MRPS6: variants seen among roughly 807,000 people sequenced by gnomAD.
MRPS6 encodes mitochondrial ribosomal protein S6.
A neutral mutation model predicts 13.1 loss-of-function variants in MRPS6; 6 were observed. The ratio of observed to expected loss-of-function variants is 0.46; its 90% confidence interval spans 0.25 to 0.91. The LOEUF (loss-of-function observed/expected upper bound fraction) is 0.91. Among genes scored for constraint, MRPS6 ranks in the 40% least tolerant of loss-of-function variants. The pLI is 0.18. For missense variants in MRPS6, 164 were observed against 155.6 expected, an observed-to-expected ratio of 1.05 and a Z score of -0.29; for synonymous variants, 61 against 56.5, an observed-to-expected ratio of 1.08 and a Z score of -0.36.
rs2123282124 is a variant in MRPS6 at position 34,143,014 on chromosome 21, A to C, written c.*414A>C. On this transcript the variant is annotated 3_prime_UTR_variant, in exon 3 of 3. Transcript: ENST00000399312. ...ATGGACAACTTTTGCTTTGAGTAAT[A>C]AACTTGATTGTAGGAATGTGGGAGG... 6.4e-6 allele frequency: 1 copy of C among 156,566 alleles called. No individual in the cohort carries two copies. The highest frequency in any genetic ancestry group is 3.3e-3 in the Middle Eastern group (1 of 304). 9.7% of individuals were successfully genotyped at this position (156,566 alleles called of 1,614,324 possible). A position where few individuals can be genotyped will look rare whatever the true frequency, so the allele number is the denominator to read the frequency against.
At chr21:34,075,502 A>G (rs1259561590) in intron 1 of MRPS6, among the ~76,000 whole-genome samples, 1 of 152,214 alleles carries the variant, frequency 6.6e-6, no homozygotes, top group African/African-American at 2.4e-5. Context: ...GGTTAAAATA[A>G]TAAATAACCT....
rs561630294 is a variant in MRPS6 at position 34,096,912 on chromosome 21, A to C, written c.45+23167A>C. On this transcript the variant is annotated intron_variant, in intron 1 of 2. Coordinates refer to ENST00000399312, the MANE Select transcript of MRPS6 (RefSeq NM_032476.4). The surrounding 1 kb of genome is among the most constrained non-coding windows in gnomAD (Gnocchi z 5.9). ...ACCATACAAAATGCAAGAAAAGAGC[A>C]TTCTGAGATGCAGTGAGAATAATGA... is the stretch of plus-strand genomic sequence containing the variant. The C allele has an allele frequency of 2.5e-6, 4 of 1,614,186 alleles. No individual in the cohort carries two copies. In the African/African-American group the frequency reaches 5.3e-5, roughly 22 times the overall value.
At chr21:34,088,449 A>G (rs536434065) in intron 1 of MRPS6, among the ~76,000 whole-genome samples, 1 of 152,310 alleles carries the variant, frequency 6.6e-6, no homozygotes, top group Non-Finnish European at 1.5e-5. Flanking sequence ...ACATCCATTC[A>G]CATGATCACA....
chr21:34,090,147 G>A (rs573096482), intron 1 of MRPS6, among the ~76,000 whole-genome samples: 2 of 152,330 alleles, frequency 1.3e-5, no homozygotes, highest in South Asian at 2.1e-4. Context: ...CTGTAGTGTT[G>A]TCTTTAGCTC....
intron 1 of MRPS6, chr21:34,104,326 A>G (rs1465108459): frequency 7.0e-6 from 7 of 999,968 alleles, no homozygotes. Flanking sequence ...TGTGTGTAGA[A>G]GAAAACGTAT....
intron 1 of MRPS6, among the ~76,000 whole-genome samples, chr21:34,119,436 A>G (rs370758603): frequency 4.6e-5 from 7 of 152,332 alleles, no homozygotes; most frequent in African/African-American, 1.4e-4. Flanking sequence ...TTTTAAAGGA[A>G]GTAAGATTTG....
chr21:34,097,554 A>C, intron 1 of MRPS6: 1 of 1,359,354 alleles, frequency 7.4e-7, no homozygotes, highest in Non-Finnish European at 9.5e-7. Flanking sequence ...AAGTGAAGCC[A>C]AACCTAACAG....
At chr21:34,140,142 CT>C (rs1980858408) in intron 2 of MRPS6, among the ~76,000 whole-genome samples, 1 of 151,570 alleles carries the variant, frequency 6.6e-6, no homozygotes, top group African/African-American at 2.4e-5. Flanking sequence ...TCTCCTCTCT[CT>C]CTCTCTTCTC....
At chr21:34,103,838 T>TG in intron 1 of MRPS6, 1 of 1,000,128 alleles carries the variant, frequency 1.0e-6, no homozygotes, top group Non-Finnish European at 1.2e-6. Flanking sequence ...AAATTATATT[T>TG]GGGGGTTACT....
intron 1 of MRPS6, among the ~76,000 whole-genome samples, chr21:34,083,386 C>T (rs1222764243): frequency 6.6e-6 from 1 of 152,126 alleles, no homozygotes; most frequent in East Asian, 1.9e-4. Flanking sequence ...GTATGAATTC[C>T]GAATATAAAA....
intron 1 of MRPS6, among the ~76,000 whole-genome samples, chr21:34,091,245 C>A (rs899210147): frequency 2.7e-5 from 2 of 73,672 alleles, no homozygotes; most frequent in African/African-American, 1.2e-4. Context: ...AAGATTATTG[C>A]GTACTACTCT....
chr21:34,077,440 C>T (rs909560485), intron 1 of MRPS6, among the ~76,000 whole-genome samples: 2 of 152,088 alleles, frequency 1.3e-5, no homozygotes, highest in African/African-American at 4.8e-5. Context: ...TTATGAAAGC[C>T]CTGGGATAAT....
At position 34,096,380 on chromosome 21, in the gene MRPS6, G is replaced by A. The variant is rs199974492; in HGVS notation, c.45+22635G>A. ...CCAGTACCATATTCACCCTCGATGT[G>A]TACAAACTTATCCGCAAGAGCGCAA... is the stretch of plus-strand genomic sequence containing the variant. On this transcript the variant is annotated intron_variant, in intron 1 of 2. Coordinates refer to ENST00000399312, the MANE Select transcript of MRPS6 (RefSeq NM_032476.4). The surrounding 1 kb of genome is among the most constrained non-coding windows in gnomAD (Gnocchi z 5.9). 35 of 1,614,050 alleles carry A rather than the reference G, an allele frequency of 2.2e-5. No individual in the cohort carries two copies. Among genetic ancestry groups the A allele is most frequent in the African/African-American group, 9.3e-5 (7 of 74,928 alleles).
At chr21:34,104,187 G>A (rs1189723014) in intron 1 of MRPS6, 3 of 999,906 alleles carry the variant, frequency 3.0e-6, no homozygotes, top group Admixed American at 1.2e-4. Context: ...TGAGTGTTCT[G>A]AGCATCAGAC....
At chr21:34,087,621 G>A (rs1268181806) in intron 1 of MRPS6, among the ~76,000 whole-genome samples, 2 of 152,226 alleles carry the variant, frequency 1.3e-5, no homozygotes, top group Admixed American at 6.5e-5. Flanking sequence ...GTGCAAAGAC[G>A]TAAAAGGAGA....
chr21:34,075,818 T>C (rs540743740), intron 1 of MRPS6, among the ~76,000 whole-genome samples: 1 of 152,268 alleles, frequency 6.6e-6, no homozygotes, highest in African/African-American at 2.4e-5. Flanking sequence ...TTTAGGAAAA[T>C]AGGATTCTAA....
chr21:34,137,902 AT>A (rs1206609603), intron 2 of MRPS6, among the ~76,000 whole-genome samples: 3 of 151,214 alleles, frequency 2.0e-5, no homozygotes, highest in African/African-American at 7.3e-5. Context: ...TTTGAATTAC[AT>A]TTTTTTTCAA....
chr21:34,087,679 A>T (rs185840448), intron 1 of MRPS6, among the ~76,000 whole-genome samples: 3 of 152,224 alleles, frequency 2.0e-5, no homozygotes, highest in Admixed American at 2.0e-4. Context: ...TTGCCTGCAT[A>T]GGAAATAGCC....
At chr21:34,095,279 C>T (rs1978913041) in intron 1 of MRPS6, 1 of 1,613,964 alleles carries the variant, frequency 6.2e-7, no homozygotes, top group Non-Finnish European at 8.5e-7. Flanking sequence ...GTTTTTTTGC[C>T]ATGTGGAAAT....
Sources: gnomAD v4.1 joint callset for allele counts (sites outside exome capture counted in the v4.1 genomes callset) on GRCh38, gnomAD v4.1.1 for gene constraint, Gnocchi (gnomAD v3.1) non-coding constraint, MANE v1.5 for transcripts, NCBI Gene and HGNC (gene_info 2026-07-23, HGNC 2026-07-21) for gene names.